The following PCDHGA4 variants were observed in gnomAD, a reference collection of about 807,000 sequenced individuals.
The protein encoded by PCDHGA4 is protocadherin gamma-A4.
In PCDHGA4, 38 loss-of-function variants were observed where a neutral mutation model predicts 54.6. The ratio of observed to expected loss-of-function variants is 0.70; its 90% CI spans 0.54 to 0.91. The LOEUF is 0.91. Ranked by LOEUF, PCDHGA4 falls within the 40% of genes least tolerant of loss-of-function variation. The pLI is 0.00. For missense variants in PCDHGA4, 1,298 were observed against 1,220.9 expected (o/e 1.06, Z -0.94); for synonymous variants, 511 against 512.9 (o/e 1.00, Z 0.05).
Position 141,376,680 on chromosome 5 carries a change from T to TTTTTTTTTGTTTTG in PCDHGA4, c.2514+19067_2514+19068insGTTTTGTTTTTTTT, listed in dbSNP as rs1431701982. ...CCTTGTTCAGGTGAGGGTATCGTTT[T>TTTTTTTTTGTTTTG]TTTTTTTTTTTTTTTTTGAGACGGA... On this transcript the variant is annotated intron_variant, in intron 1 of 3. Transcript: ENST00000571252. The TTTTTTTTTGTTTTG allele has an allele frequency of 6.0e-6, 4 of 666,834 alleles. No individual in the cohort carries two copies. In the African/African-American group the frequency reaches 8.2e-5, roughly 14 times the overall value. The allele number at this position is 666,834 out of a possible 1,614,324, so 41.3% of individuals were successfully genotyped here.
intron 2 of PCDHGA4, among the ~76,000 whole-genome samples, chr5:141,501,988 T>C (rs2099812189): frequency 6.6e-6 from 1 of 152,056 alleles, no homozygotes; most frequent in Non-Finnish European, 1.5e-5. Flanking sequence ...GGTCCCGTTG[T>C]CTCCCTGACA....
chr5:141,418,370 C>G (rs910813828), intron 1 of PCDHGA4: 1 of 1,613,822 alleles, frequency 6.2e-7, no homozygotes, highest in African/African-American at 1.3e-5. Flanking sequence ...GAGCAAATAC[C>G]AACTAAGTCC....
At chr5:141,492,423 G>C (rs1164828445) in intron 1 of PCDHGA4, among the ~76,000 whole-genome samples, 1 of 152,222 alleles carries the variant, frequency 6.6e-6, no homozygotes, top group African/African-American at 2.4e-5. Context: ...CCCTCCGCCG[G>C]GCTCAGGAGT....
intron 1 of PCDHGA4, chr5:141,399,082 G>A: frequency 6.2e-7 from 1 of 1,613,822 alleles, no homozygotes; most frequent in East Asian, 2.2e-5. Flanking sequence ...AGAAGGGAGG[G>A]ATGGTGGTGG....
At chr5:141,488,834 G>A (rs976460724) in intron 1 of PCDHGA4, among the ~76,000 whole-genome samples, 1 of 152,160 alleles carries the variant, frequency 6.6e-6, no homozygotes, top group Admixed American at 6.5e-5. Context: ...GCTGCCAAGG[G>A]GGCTGAATCA....
chr5:141,478,851 C>T, intron 1 of PCDHGA4: 1 of 1,374,810 alleles, frequency 7.3e-7, no homozygotes, highest in Non-Finnish European at 9.6e-7. Context: ...AGCTAAAACA[C>T]AAGATCTCAG....
In PCDHGA4 at chr5:141,395,432, G is replaced by A. The variant is rs963118371; in HGVS notation, c.2514+37811G>A. ...GTTATTGTTTCATTTGCTTTTAAAC[G>A]ACTTGGAAAAGATTGTTCAACCATT... On this transcript the variant is annotated intron_variant, in intron 1 of 3. Coordinates refer to ENST00000571252, the MANE Select transcript of PCDHGA4 (RefSeq NM_018917.4). The A allele has an allele frequency of 8.6e-6, 6 of 701,470 alleles. No homozygotes were observed. In the African/African-American group the frequency reaches 9.1e-5, roughly 11 times the overall value. The allele number at this position is 701,470 out of a possible 1,614,324, so 43.5% of individuals were successfully genotyped here. A position where few individuals can be genotyped will look rare whatever the true frequency, so the allele number is the denominator to read the frequency against.
chr5:141,392,809 CA>C, intron 1 of PCDHGA4: 1 of 1,578,772 alleles, frequency 6.3e-7, no homozygotes, highest in Non-Finnish European at 8.6e-7. Flanking sequence ...TGCAGCAAAA[CA>C]ACAATGGCCG....
In PCDHGA4 at chr5:141,432,115, C is replaced by G. The variant is rs753088299; in HGVS notation, c.2515-62692C>G. On this transcript the variant is annotated intron_variant, in intron 1 of 3. Transcript: ENST00000571252. This position sits in a 1 kb window ranked among gnomAD's most constrained non-coding sequence, Gnocchi z 6.0. ...ACACCAACGACAACCCGCCGGTCTT[C>G]CCTCAGGCCTCCTATTCCGCTTATA... The G allele has an allele frequency of 1.2e-5, 20 of 1,614,178 alleles. No individual in the cohort carries two copies. Among genetic ancestry groups the G allele is most frequent in the Non-Finnish European group, 1.6e-5 (19 of 1,180,050 alleles).
chr5:141,511,233 TACCTGC>T lies in PCDHGA4; in HGVS notation c.*64_*69del. 4 of 1,595,428 alleles carry T rather than the reference TACCTGC, an allele frequency of 2.5e-6. No individual in the cohort carries two copies. The highest frequency in any genetic ancestry group is 3.4e-6 in the Non-Finnish European group (4 of 1,170,894). ...CTCCCCAACCAGCCCAGCTTCTCCT[TACCTGC>T]ACCCAGGCCTCAGAGTTTCAGGGCT... On this transcript the variant is annotated 3_prime_UTR_variant, in exon 4 of 4. Transcript: ENST00000571252.
chr5:141,455,690 C>A (rs1209152869), intron 1 of PCDHGA4, among the ~76,000 whole-genome samples: 1 of 152,064 alleles, frequency 6.6e-6, no homozygotes, highest in East Asian at 1.9e-4. Context: ...CTGTGGGAAT[C>A]GCCAAGTTGA....
At chr5:141,408,605 A>G (rs1374368607) in intron 1 of PCDHGA4, 1 of 1,614,060 alleles carries the variant, frequency 6.2e-7, no homozygotes, top group South Asian at 1.1e-5. Flanking sequence ...TCAATTTGAT[A>G]AAAAGGAAAT....
At chr5:141,382,378 C>T (rs1160680038) in intron 1 of PCDHGA4, among the ~76,000 whole-genome samples, 1 of 152,098 alleles carries the variant, frequency 6.6e-6, no homozygotes, top group Non-Finnish European at 1.5e-5. Flanking sequence ...TTTTTGCCTT[C>T]AATAACTGAT....
At chr5:141,453,083 A>G (rs1404530649) in intron 1 of PCDHGA4, among the ~76,000 whole-genome samples, 1 of 152,044 alleles carries the variant, frequency 6.6e-6, no homozygotes, top group African/African-American at 2.4e-5. Flanking sequence ...CTGGTTGATT[A>G]GTATATTTTC....
intron 1 of PCDHGA4, chr5:141,418,388 T>C: frequency 6.2e-7 from 1 of 1,613,942 alleles, no homozygotes; most frequent in Non-Finnish European, 8.5e-7. Flanking sequence ...TCCTAACGAG[T>C]ATTTCTCATT....
chr5:141,423,832 T>G, intron 1 of PCDHGA4: 113 of 1,253,376 alleles, frequency 9.0e-5, no homozygotes, highest in East Asian at 2.6e-4. Context: ...TTTCATGAGA[T>G]TACGATAATC....
In PCDHGA4 at chr5:141,371,087, T is replaced by C. The variant is rs761408104; in HGVS notation, c.2514+13466T>C. ...GCTGTACCACCCAGATCAGGGTAAT[T>C]GTCGCAGATGCAAATGATAACCCCC... On this transcript the variant is annotated intron_variant, in intron 1 of 3. Transcript: ENST00000571252. 8 of 1,613,772 alleles carry C rather than the reference T, an allele frequency of 5.0e-6. No individual in the cohort carries two copies. The South Asian group carries it at 8.8e-5, about 18-fold the overall frequency.
At chr5:141,370,551 G>C in intron 1 of PCDHGA4, 13 of 1,613,928 alleles carry the variant, frequency 8.1e-6, no homozygotes, top group Non-Finnish European at 1.0e-5. Flanking sequence ...CCTCGCCAAG[G>C]ACCTGGGGTT....
intron 1 of PCDHGA4, chr5:141,478,489 C>G (rs779457709): frequency 5.6e-6 from 9 of 1,613,162 alleles, no homozygotes; most frequent in Middle Eastern, 1.6e-4. Flanking sequence ...CGCTGCGGAG[C>G]TGTGATCCGG....
Sources: gnomAD v4.1 joint callset for allele counts (sites outside exome capture counted in the v4.1 genomes callset) on GRCh38, gnomAD v4.1.1 for gene constraint, Gnocchi (gnomAD v3.1) non-coding constraint, MANE v1.5 for transcripts, NCBI Gene and HGNC (gene_info 2026-07-23, HGNC 2026-07-21) for gene names.